The following MTUS2 variants were observed in gnomAD, a reference collection of about 807,000 sequenced individuals.
MTUS2 encodes the protein microtubule associated scaffold protein 2, also known as microtubule-associated tumor suppressor candidate 2.
MTUS2 carries 40 observed loss-of-function variants against 114.1 expected under a neutral mutation model. The ratio of observed to expected loss-of-function variants is 0.35; its 90% confidence interval spans 0.27 to 0.46. The LOEUF is 0.46. MTUS2 is among the 20% of genes least tolerant of loss of function. The pLI, the probability that MTUS2 is intolerant of heterozygous loss-of-function variation, is 1.00. For synonymous variants in MTUS2, 688 were observed against 672.0 expected (o/e 1.02, Z -0.37); for missense variants, 1,679 against 1,705.4 (o/e 0.98, Z 0.27).
At chr13:29,189,867 AC>A (rs1343640467) in intron 5 of MTUS2, among the ~76,000 whole-genome samples, 2 of 152,060 alleles carry the variant, frequency 1.3e-5, no homozygotes, top group African/African-American at 4.8e-5. Flanking sequence ...TGAAGCATTA[AC>A]CCCCAATAGG....
intron 5 of MTUS2, among the ~76,000 whole-genome samples, chr13:29,158,358 C>CCCCCCCCCCCTTTTT: frequency 6.2e-5 from 2 of 32,048 alleles, no homozygotes; most frequent in Admixed American, 4.2e-4. Context: ...GTCCACCCCG[C>CCCCCCCCCCCTTTTT]TTTTTTTTTT....
At chr13:29,014,424 C>T (rs1024649099) in intron 2 of MTUS2, among the ~76,000 whole-genome samples, 3 of 152,176 alleles carry the variant, frequency 2.0e-5, no homozygotes, top group East Asian at 1.9e-4. Flanking sequence ...ATTCATTCAA[C>T]GGATATTTAT....
chr13:29,480,456 C>T lies in MTUS2; in HGVS notation c.3399+92C>T. 1.5e-6 allele frequency: 2 copies of T among 1,319,434 alleles called. No homozygotes were observed. Among genetic ancestry groups the T allele is most frequent in the Non-Finnish European group, 2.0e-6 (2 of 983,412 alleles). 81.7% of individuals were successfully genotyped at this position (1,319,434 alleles called of 1,614,324 possible). A position where few individuals can be genotyped will look rare whatever the true frequency, so the allele number is the denominator to read the frequency against. On this transcript the variant is annotated intron_variant, in intron 10 of 15. Coordinates refer to ENST00000612955, the MANE Select transcript of MTUS2 (RefSeq NM_001033602.4). The surrounding 1 kb of genome is among the most constrained non-coding windows in gnomAD (Gnocchi z 4.4). ...TGCCACATTAGCAAGAAGTCCTATTCAGTAGGTGAGCTTTCTGAACAGTTC... is the reference window on the plus strand; with the variant it reads ...TGCCACATTAGCAAGAAGTCCTATTTAGTAGGTGAGCTTTCTGAACAGTTC...
chr13:29,171,189 C>A (rs541201605), intron 5 of MTUS2, among the ~76,000 whole-genome samples: 2 of 151,726 alleles, frequency 1.3e-5, no homozygotes, highest in East Asian at 3.9e-4. Context: ...GTAATTGTAG[C>A]GAATTAAATT....
intron 4 of MTUS2, 43 bp from the exon 5 acceptor site, chr13:29,100,730 T>G: frequency 6.5e-7 from 1 of 1,536,092 alleles, no homozygotes; most frequent in East Asian, 2.4e-5. Flanking sequence ...TATCTCATTA[T>G]GAACTGAGAA....
Position 29,337,955 on chromosome 13 carries a change from AT to A in MTUS2, c.2905+13258del, listed in dbSNP as rs34068964. Among the ~76,000 whole-genome samples the A allele has an allele frequency of 6.3e-4, 91 of 143,406 alleles. No individual in the cohort carries two copies. In the East Asian group the frequency reaches 0.012, roughly 19 times the overall value. 94.1% of individuals were successfully genotyped at this position (143,406 alleles called of 152,430 possible). A position where few individuals can be genotyped will look rare whatever the true frequency, so the allele number is the denominator to read the frequency against. On this transcript the variant is annotated intron_variant, in intron 7 of 15. Transcript: ENST00000612955. ...AGGTGTGTGTCACTATGCCCTGCTA[AT>A]TTTTTTTTTTTTTAGTAGAGACAGG...
At chr13:29,350,386 C>T (rs1345463290) in intron 7 of MTUS2, among the ~76,000 whole-genome samples, 1 of 151,080 alleles carries the variant, frequency 6.6e-6, no homozygotes. Context: ...GGACCACCTT[C>T]AGCTCATAGG....
intron 2 of MTUS2, among the ~76,000 whole-genome samples, chr13:28,913,050 A>T (rs1174557455): frequency 6.6e-6 from 1 of 152,156 alleles, no homozygotes; most frequent in Non-Finnish European, 1.5e-5. Context: ...GGATGATGTC[A>T]TTTGCAAACA....
chr13:29,458,584 C>T (rs1309438394), intron 9 of MTUS2, among the ~76,000 whole-genome samples: 2 of 152,130 alleles, frequency 1.3e-5, no homozygotes, highest in Non-Finnish European at 2.9e-5. Flanking sequence ...ATGATCTCAT[C>T]TACCCCTACA....
intron 6 of MTUS2, among the ~76,000 whole-genome samples, chr13:29,298,030 T>C (rs1031910843): frequency 1.3e-5 from 2 of 152,202 alleles, no homozygotes; most frequent in African/African-American, 4.8e-5. Context: ...CAAAATCTCT[T>C]CAGTGCATTG....
At chr13:29,191,119 C>T (rs920733293) in intron 5 of MTUS2, among the ~76,000 whole-genome samples, 2 of 152,066 alleles carry the variant, frequency 1.3e-5, no homozygotes, top group Non-Finnish European at 2.9e-5. Flanking sequence ...TCCAGAGTCT[C>T]ATAACGCTTC....
At chr13:29,195,505 A>G (rs1302762225) in intron 5 of MTUS2, among the ~76,000 whole-genome samples, 1 of 141,904 alleles carries the variant, frequency 7.0e-6, no homozygotes, top group African/African-American at 2.6e-5. Context: ...AAGCTTATAT[A>G]TGTGCATTCC....
At chr13:28,990,565 C>T (rs1451617579) in intron 2 of MTUS2, among the ~76,000 whole-genome samples, 1 of 152,110 alleles carries the variant, frequency 6.6e-6, no homozygotes, top group Admixed American at 6.5e-5. Flanking sequence ...TGTAAATGCA[C>T]CAGTCAGCAC....
intron 2 of MTUS2, among the ~76,000 whole-genome samples, chr13:28,970,316 C>G (rs1883795176): frequency 1.3e-5 from 2 of 152,186 alleles, no homozygotes; most frequent in Non-Finnish European, 2.9e-5. Context: ...AAACATTCCT[C>G]AGACACCATT....
chr13:29,191,342 A>G (rs1409185678), intron 5 of MTUS2, among the ~76,000 whole-genome samples: 1 of 152,082 alleles, frequency 6.6e-6, no homozygotes, highest in Non-Finnish European at 1.5e-5. Context: ...TTCACAGGGA[A>G]ACTGATACAG....
chr13:28,892,274 G>A (rs186508617), intron 2 of MTUS2, among the ~76,000 whole-genome samples: 41 of 152,248 alleles, frequency 2.7e-4, no homozygotes, highest in African/African-American at 7.5e-4. Context: ...TGCGGGTGGC[G>A]CTTGGGGCTA....
At chr13:29,389,295 G>GTATATA (rs1566172159) in intron 8 of MTUS2, among the ~76,000 whole-genome samples, 5 of 145,860 alleles carry the variant, frequency 3.4e-5, no homozygotes, top group African/African-American at 1.3e-4. Flanking sequence ...ACACATATGT[G>GTATATA]TGTATATGTG....
At chr13:29,375,223 C>T (rs1035393785) in intron 8 of MTUS2, among the ~76,000 whole-genome samples, 4 of 151,566 alleles carry the variant, frequency 2.6e-5, no homozygotes, top group African/African-American at 9.7e-5. Context: ...ATCTGAACAA[C>T]AGAAAGAAAA....
chr13:29,435,651 A>G (rs1593440543), intron 8 of MTUS2, among the ~76,000 whole-genome samples: 1 of 152,242 alleles, frequency 6.6e-6, no homozygotes, highest in African/African-American at 2.4e-5. Context: ...TGCCTAAGGA[A>G]CAGTGTTCCT....
Sources: allele counts gnomAD v4.1 joint callset (sites outside exome capture counted in the v4.1 genomes callset), GRCh38; gene constraint gnomAD v4.1.1; non-coding constraint Gnocchi (gnomAD v3.1); transcripts MANE v1.5; gene names NCBI Gene and HGNC (gene_info 2026-07-23, HGNC 2026-07-21).